The following COBL variants were observed in gnomAD, a reference collection of about 807,000 sequenced individuals.
COBL encodes the protein protein cordon-bleu.
A neutral mutation model predicts 98.8 loss-of-function variants in COBL; 51 were observed. The observed-to-expected ratio is 0.52, with a 90% CI of 0.41 to 0.65. COBL has a LOEUF of 0.65. COBL is among the 30% of genes least tolerant of loss of function. The pLI, the probability that COBL is intolerant of heterozygous loss-of-function variation, is 0.00. For synonymous variants in COBL, 634 were observed against 651.7 expected (o/e 0.97, Z 0.41); for missense variants, 1,617 against 1,617.5 (o/e 1.00, Z 0.01).
chr7:51,204,491 C>A (rs1386083109), intron 2 of COBL, among the ~76,000 whole-genome samples: 3 of 151,548 alleles, frequency 2.0e-5, no homozygotes, highest in Non-Finnish European at 2.9e-5. Flanking sequence ...CAAGAAAAAA[C>A]CGTTAAAAGT....
chr7:51,087,433 C>A (rs1452401826), intron 6 of COBL, among the ~76,000 whole-genome samples: 1 of 152,032 alleles, frequency 6.6e-6, no homozygotes, highest in Non-Finnish European at 1.5e-5. Flanking sequence ...AATTCCCATT[C>A]CCTCTATTCA....
At chr7:51,174,008 T>C (rs1207916712) in intron 5 of COBL, among the ~76,000 whole-genome samples, 1 of 152,192 alleles carries the variant, frequency 6.6e-6, no homozygotes, top group East Asian at 1.9e-4. Flanking sequence ...AATGCCTCAA[T>C]AATTCTCCAT....
rs532168373 is a variant in COBL, at chr7:51,094,235, G to A, written c.958-8931C>T. ...ACCAGAAGCTGAGGAGTAGAGGAGA[G>A]AGAGGAAAAGAGGAGACATTGGTTA... On this transcript the variant is annotated intron_variant, in intron 6 of 12. Coordinates refer to ENST00000265136, the MANE Select transcript of COBL (RefSeq NM_015198.5). Among the ~76,000 whole-genome samples the A allele has an allele frequency of 1.3e-3, 200 of 151,950 alleles. 3 individuals carry two copies. Among genetic ancestry groups the A allele is most frequent in the Non-Finnish European group, 5.1e-4 (35 of 67,972 alleles).
In COBL at chr7:51,217,421, A is replaced by G. The variant is rs1037752394; in HGVS notation, c.245+2320T>C. 2.5e-4 allele frequency among the ~76,000 whole-genome samples: 36 copies of G among 146,708 alleles called. No individual in the cohort carries two copies. In the Admixed American group the frequency reaches 2.5e-3, roughly 10 times the overall value. Reference sequence around the variant, plus strand: ...CAATGGCGTGATCTCGGCTCACCACAGTCTCCATCTCCCGGGTTCAAGTGA... The same window carrying G: ...CAATGGCGTGATCTCGGCTCACCACGGTCTCCATCTCCCGGGTTCAAGTGA... On this transcript the variant is annotated intron_variant, in intron 2 of 12. Coordinates refer to ENST00000265136, the MANE Select transcript of COBL (RefSeq NM_015198.5).
intron 7 of COBL, chr7:51,071,487 A>G (rs1444425741): frequency 6.6e-6 from 1 of 152,176 alleles, no homozygotes; most frequent in East Asian, 1.9e-4. Context: ...TTTATGATCA[A>G]GTAAATTGGG....
rs1008333110 is a variant in COBL at position 51,316,784 on chromosome 7, G to T, written c.-151C>A. 2 of 544,558 alleles carry T rather than the reference G, an allele frequency of 3.7e-6. No individual in the cohort carries two copies. Among genetic ancestry groups the T allele is most frequent in the Non-Finnish European group, 2.7e-6 (1 of 374,616 alleles). 33.7% of individuals were successfully genotyped at this position (544,558 alleles called of 1,614,324 possible). A position where few individuals can be genotyped will look rare whatever the true frequency, so the allele number is the denominator to read the frequency against. ...GCGGAGGACAGCGGCGGAGCGCGGC[G>T]GACGGAAGGGGCTGGAATCGTCTCT... is the stretch of plus-strand genomic sequence containing the variant. On this transcript the variant is annotated 5_prime_UTR_variant, in exon 1 of 13. Coordinates refer to ENST00000265136, the MANE Select transcript of COBL (RefSeq NM_015198.5).
intron 5 of COBL, among the ~76,000 whole-genome samples, chr7:51,144,525 A>T (rs1260664412): frequency 1.3e-5 from 2 of 152,222 alleles, no homozygotes; most frequent in Non-Finnish European, 2.9e-5. Flanking sequence ...TTTTTAAATT[A>T]TGATAACAAA....
intron 1 of COBL, among the ~76,000 whole-genome samples, chr7:51,222,680 G>A (rs555868770): frequency 3.3e-5 from 5 of 151,824 alleles, no homozygotes; most frequent in South Asian, 2.1e-4. Flanking sequence ...GCCCAGGCTC[G>A]GAGACATTAG....
At chr7:51,087,107 C>T (rs1281502018) in intron 6 of COBL, among the ~76,000 whole-genome samples, 1 of 104,534 alleles carries the variant, frequency 9.6e-6, no homozygotes, top group African/African-American at 4.2e-5. Context: ...TTAAGACACA[C>T]ACATACACAC....
At chr7:51,122,249 TC>T (rs1194151014) in intron 6 of COBL, among the ~76,000 whole-genome samples, 143 of 152,232 alleles carry the variant, frequency 9.4e-4, no homozygotes, top group Non-Finnish European at 1.9e-3. Context: ...AGCTCCAGCT[TC>T]CTTTCTCTGC....
At chr7:51,065,517 A>G (rs1791832349) in intron 7 of COBL, 1 of 649,012 alleles carries the variant, frequency 1.5e-6, no homozygotes, top group East Asian at 2.7e-5. Flanking sequence ...GGTGGTTCAC[A>G]TACAGTGTTG....
chr7:51,227,837 A>G (rs1455148291), intron 1 of COBL, among the ~76,000 whole-genome samples: 3 of 152,264 alleles, frequency 2.0e-5, no homozygotes, highest in African/African-American at 7.2e-5. Context: ...ATCCCATCAA[A>G]GCTTTCCCCA....
chr7:51,247,562 G>A (rs950278839), intron 1 of COBL, among the ~76,000 whole-genome samples: 1 of 152,128 alleles, frequency 6.6e-6, no homozygotes, highest in East Asian at 1.9e-4. Context: ...GACAGGTAGG[G>A]ACAAGGTGAC....
At chr7:51,164,550 A>G (rs1787111249) in intron 5 of COBL, among the ~76,000 whole-genome samples, 1 of 152,164 alleles carries the variant, frequency 6.6e-6, no homozygotes, top group African/African-American at 2.4e-5. Context: ...AAGGAGAAAT[A>G]AAGACTTCCC....
At chr7:51,057,905 AC>A (rs1422260370) in intron 7 of COBL, among the ~76,000 whole-genome samples, 1 of 151,976 alleles carries the variant, frequency 6.6e-6, no homozygotes, top group Non-Finnish European at 1.5e-5. Flanking sequence ...GCCACACCTC[AC>A]CTCTTCCATT....
intron 7 of COBL, chr7:51,070,940 T>C (rs1437104759): frequency 2.6e-5 from 4 of 152,230 alleles, no homozygotes; most frequent in Non-Finnish European, 5.9e-5. Context: ...ATAAACTAGC[T>C]TGCATTTTAT....
intron 1 of COBL, among the ~76,000 whole-genome samples, chr7:51,232,320 TCTTC>T (rs66944220): frequency 0.14 from 21,187 of 151,902 alleles, 1,671 homozygotes; most frequent in East Asian, 0.32. Context: ...AATATCAGTC[TCTTC>T]CTTTTGCCTT....
intron 1 of COBL, among the ~76,000 whole-genome samples, chr7:51,255,159 C>T (rs770095369): frequency 6.6e-6 from 1 of 152,178 alleles, no homozygotes; most frequent in Non-Finnish European, 1.5e-5. Flanking sequence ...GCTTCCCTTG[C>T]GTATAAACAA....
intron 5 of COBL, among the ~76,000 whole-genome samples, chr7:51,148,931 CA>C (rs1387050730): frequency 6.6e-6 from 1 of 152,012 alleles, no homozygotes; most frequent in Non-Finnish European, 1.5e-5. Flanking sequence ...CACCCCACCA[CA>C]AAAAAATCTC....
Sources: gnomAD v4.1 joint callset for allele counts (sites outside exome capture counted in the v4.1 genomes callset) on GRCh38, gnomAD v4.1.1 for gene constraint, MANE v1.5 for transcripts, NCBI Gene and HGNC (gene_info 2026-07-23, HGNC 2026-07-21) for gene names.